ZDHHC14: variants seen among roughly 807,000 people sequenced by gnomAD.
The protein encoded by ZDHHC14 is palmitoyltransferase ZDHHC14.
In ZDHHC14, 16 loss-of-function variants were observed where a neutral mutation model predicts 47.7. The observed-to-expected ratio is 0.34, with a 90% confidence interval of 0.23 to 0.51. The LOEUF is 0.51. Ranked by LOEUF, ZDHHC14 falls within the 20% of genes least tolerant of loss-of-function variation. The pLI is 0.97. For missense variants in ZDHHC14, 515 were observed against 662.5 expected (o/e 0.78, Z 2.44); for synonymous variants, 293 against 278.9 (o/e 1.05, Z -0.50).
At chr6:157,671,161 C>T (rs1778778882) in intron 8 of ZDHHC14, among the ~76,000 whole-genome samples, 1 of 152,164 alleles carries the variant, frequency 6.6e-6, no homozygotes, top group Non-Finnish European at 1.5e-5. Context: ...TAACTCTAGC[C>T]TTCTGATAAA....
At chr6:157,471,388 C>A (rs980652643) in intron 1 of ZDHHC14, among the ~76,000 whole-genome samples, 1 of 152,178 alleles carries the variant, frequency 6.6e-6, no homozygotes, top group Non-Finnish European at 1.5e-5. Context: ...TCTGTGTGGG[C>A]TGGACTCCCC....
At chr6:157,606,494 G>T (rs1784544944) in intron 3 of ZDHHC14, among the ~76,000 whole-genome samples, 1 of 152,108 alleles carries the variant, frequency 6.6e-6, no homozygotes, top group African/African-American at 2.4e-5. Context: ...AAAATCTGAG[G>T]AGAGAGTTTA....
intron 1 of ZDHHC14, among the ~76,000 whole-genome samples, chr6:157,473,490 T>C (rs1171762425): frequency 6.6e-6 from 1 of 152,186 alleles, no homozygotes; most frequent in Non-Finnish European, 1.5e-5. Context: ...AATAATGGGA[T>C]TTTCTACTTT....
intron 2 of ZDHHC14, among the ~76,000 whole-genome samples, chr6:157,555,203 T>C (rs1326349032): frequency 6.6e-6 from 1 of 152,186 alleles, no homozygotes; most frequent in East Asian, 1.9e-4. Flanking sequence ...TAGAGGCAGA[T>C]GATGAGGTTT....
rs376874798 is a variant in ZDHHC14, at chr6:157,662,425, G to A, written c.1068+8798G>A. On this transcript the variant is annotated intron_variant, in intron 8 of 8. Transcript: ENST00000359775. ...TTGACCTCCTGACCTCAAGTAATCC[G>A]CTCGCCCTGGCCTCCCAAAGTGCTG... Among the ~76,000 whole-genome samples the A allele has an allele frequency of 3.6e-4, 55 of 152,266 alleles. 1 individual carries two copies. The highest frequency in any genetic ancestry group is 1.1e-3 in the African/African-American group (46 of 41,546).
chr6:157,612,522 C>A (rs1784791466), intron 3 of ZDHHC14, among the ~76,000 whole-genome samples: 1 of 152,220 alleles, frequency 6.6e-6, no homozygotes, highest in African/African-American at 2.4e-5. Flanking sequence ...GTGGGCTCCT[C>A]AGGGAAGCCT....
At chr6:157,575,113 G>A (rs896587237) in intron 2 of ZDHHC14, among the ~76,000 whole-genome samples, 5 of 152,328 alleles carry the variant, frequency 3.3e-5, no homozygotes, top group Non-Finnish European at 7.4e-5. Context: ...CTGCAGGGCA[G>A]CAGGCTGGAA....
chr6:157,615,209 G>GC (rs2114929255), intron 3 of ZDHHC14, among the ~76,000 whole-genome samples: 1 of 152,326 alleles, frequency 6.6e-6, no homozygotes, highest in African/African-American at 2.4e-5. Flanking sequence ...AGGACCTGCT[G>GC]ACTGGACTGC....
At chr6:157,560,715 A>C (rs1437466326) in intron 2 of ZDHHC14, among the ~76,000 whole-genome samples, 1 of 152,270 alleles carries the variant, frequency 6.6e-6, no homozygotes, top group Non-Finnish European at 1.5e-5. Flanking sequence ...TGCATTCAGC[A>C]AACATTTATT....
At chr6:157,610,603 A>G (rs1784716236) in intron 3 of ZDHHC14, among the ~76,000 whole-genome samples, 1 of 152,180 alleles carries the variant, frequency 6.6e-6, no homozygotes, top group Non-Finnish European at 1.5e-5. Flanking sequence ...GGGAGGGGCT[A>G]CACATTCCAA....
chr6:157,660,501 T>A (rs1778304084), intron 8 of ZDHHC14, among the ~76,000 whole-genome samples: 1 of 152,172 alleles, frequency 6.6e-6, no homozygotes, highest in Non-Finnish European at 1.5e-5. Context: ...CCCCGGATGG[T>A]TTCTATTACA....
At chr6:157,641,845 G>A (rs1035312123) in intron 5 of ZDHHC14, among the ~76,000 whole-genome samples, 2 of 152,080 alleles carry the variant, frequency 1.3e-5, no homozygotes, top group Admixed American at 6.5e-5. Context: ...TAATTTTGTG[G>A]ATGTGGTGCA....
chr6:157,601,726 C>A (rs1035525948), intron 3 of ZDHHC14, among the ~76,000 whole-genome samples: 6 of 152,168 alleles, frequency 3.9e-5, no homozygotes, highest in Admixed American at 3.9e-4. Flanking sequence ...CCTGTGAAGT[C>A]CAAAGATGAG....
At chr6:157,412,009 G>A (rs1025883077) in intron 1 of ZDHHC14, among the ~76,000 whole-genome samples, 1 of 151,638 alleles carries the variant, frequency 6.6e-6, no homozygotes, top group Non-Finnish European at 1.5e-5. Flanking sequence ...TGTGATCTCG[G>A]CTCATGGCAA....
At chr6:157,444,895 C>T (rs1488587203) in intron 1 of ZDHHC14, among the ~76,000 whole-genome samples, 1 of 152,062 alleles carries the variant, frequency 6.6e-6, no homozygotes, top group African/African-American at 2.4e-5. Flanking sequence ...ATTGAAAGGT[C>T]AGGCAGGAGC....
intron 8 of ZDHHC14, among the ~76,000 whole-genome samples, chr6:157,657,740 A>G (rs886482109): frequency 2.0e-5 from 3 of 152,218 alleles, no homozygotes; most frequent in Non-Finnish European, 2.9e-5. Flanking sequence ...CAAGTCCCCT[A>G]AGCAGGATGT....
chr6:157,464,861 C>T (rs929208766), intron 1 of ZDHHC14, among the ~76,000 whole-genome samples: 9 of 152,298 alleles, frequency 5.9e-5, no homozygotes, highest in East Asian at 1.9e-4. Context: ...AAATCTCTCT[C>T]GTACGTAGCT....
At position 157,649,366 on chromosome 6, in the gene ZDHHC14, C is replaced by T. The variant is rs1037049351; in HGVS notation, c.965+1998C>T. Among the ~76,000 whole-genome samples, 51 of 152,190 alleles carry T rather than the reference C, an allele frequency of 3.4e-4. 1 individual carries two copies. The highest frequency in any genetic ancestry group is 1.2e-4 in the Non-Finnish European group (8 of 68,032). ...AGTGGGGCCGTAGCTTTCCTTGGGT[C>T]ATTCTGGAGCTTGGGCAGGGACATA... On this transcript the variant is annotated intron_variant, in intron 7 of 8. Transcript: ENST00000359775.
At chr6:157,659,915 A>G (rs1319922092) in intron 8 of ZDHHC14, among the ~76,000 whole-genome samples, 1 of 152,248 alleles carries the variant, frequency 6.6e-6, no homozygotes, top group Non-Finnish European at 1.5e-5. Flanking sequence ...GCTGAACTTC[A>G]AGCCATTCTA....
Sources: allele counts gnomAD v4.1 joint callset (sites outside exome capture counted in the v4.1 genomes callset), GRCh38; gene constraint gnomAD v4.1.1; transcripts MANE v1.5; gene names NCBI Gene and HGNC (gene_info 2026-07-23, HGNC 2026-07-21).